Variants in KCNT2 observed in about 807,000 individuals in gnomAD.
KCNT2 encodes potassium channel subfamily T member 2.
KCNT2 carries 67 observed loss-of-function variants against 153.8 expected under a neutral mutation model. The ratio of observed to expected loss-of-function variants is 0.44; its 90% CI spans 0.36 to 0.53. The LOEUF is 0.53. Ranked by LOEUF, KCNT2 falls within the 20% of genes least tolerant of loss-of-function variation. The pLI, the probability that KCNT2 is intolerant of heterozygous loss-of-function variation, is 0.00. For missense variants in KCNT2, 975 were observed against 1,354.8 expected (o/e 0.72, Z 4.40); for synonymous variants, 500 against 458.8 (o/e 1.09, Z -1.15).
intron 24 of KCNT2, among the ~76,000 whole-genome samples, chr1:196,281,822 T>C (rs1199366679): frequency 2.0e-5 from 3 of 151,616 alleles, no homozygotes; most frequent in East Asian, 3.9e-4. Context: ...AGTGGCGCGA[T>C]CTCGGCTCAC....
rs1351368435 is a variant in KCNT2, at chr1:196,319,534, A to C, written c.2298T>G (p.Asp766Glu). The C allele has an allele frequency of 3.1e-6, 5 of 1,609,720 alleles. No individual in the cohort carries two copies. The Admixed American group carries it at 5.0e-5, about 16-fold the overall frequency. ...LDNPPDMHFL[D>E]AICWFPMVYY... ...AAACCATTGGAAACCAACAGATTGCATCCAGAAAATGCATATCTGGCCTAA... is the reference window on the plus strand; with the variant it reads ...AAACCATTGGAAACCAACAGATTGCCTCCAGAAAATGCATATCTGGCCTAA... The change falls in exon 20 of 28, where the codon GAT (aspartate) becomes GAG (glutamate). Residue 766 changes from aspartate to glutamate, a missense_variant. By Grantham distance (45) the Asp-to-Glu change is conservative. Around this residue, in one of 6 missense-constraint regions of KCNT2, gnomAD observed 325 missense variants for 388.1 expected, o/e 0.84. Coordinates refer to ENST00000294725, the MANE Select transcript of KCNT2 (RefSeq NM_198503.5).
At chr1:196,308,923 T>C (rs994433675) in intron 21 of KCNT2, among the ~76,000 whole-genome samples, 3 of 152,036 alleles carry the variant, frequency 2.0e-5, no homozygotes, top group Non-Finnish European at 4.4e-5. Context: ...TAATGAATAA[T>C]TATCAAGTTT....
intron 14 of KCNT2, among the ~76,000 whole-genome samples, chr1:196,367,307 G>A (rs1430811076): frequency 6.6e-6 from 1 of 152,042 alleles, no homozygotes; most frequent in Non-Finnish European, 1.5e-5. Flanking sequence ...CACCAAATTT[G>A]AGCTCTCTCT....
chr1:196,325,343 C>T (rs1413022819), intron 19 of KCNT2, among the ~76,000 whole-genome samples: 2 of 152,094 alleles, frequency 1.3e-5, no homozygotes, highest in Admixed American at 6.6e-5. Context: ...CAACATATAG[C>T]TACTCTAAGG....
chr1:196,281,680 C>T (rs1040148120), intron 24 of KCNT2, among the ~76,000 whole-genome samples: 3 of 151,950 alleles, frequency 2.0e-5, no homozygotes, highest in African/African-American at 4.8e-5. Flanking sequence ...AGTTAAAAAG[C>T]ATGATCACCG....
chr1:196,548,479 GGC>G (rs1266498647), intron 1 of KCNT2, among the ~76,000 whole-genome samples: 95 of 152,080 alleles, frequency 6.2e-4, no homozygotes, highest in Non-Finnish European at 1.0e-3. Context: ...CAGTTAGAAT[GGC>G]AATCATTAAA....
intron 1 of KCNT2, among the ~76,000 whole-genome samples, chr1:196,525,175 G>A (rs1654006025): frequency 6.6e-6 from 1 of 151,878 alleles, no homozygotes; most frequent in South Asian, 2.1e-4. Context: ...GGTAGAAAAC[G>A]ACCACAATGG....
At chr1:196,251,822 A>T (rs1655999375) in intron 26 of KCNT2, among the ~76,000 whole-genome samples, 2 of 151,938 alleles carry the variant, frequency 1.3e-5, no homozygotes, top group African/African-American at 4.8e-5. Context: ...CCCTGATGTG[A>T]TTATTATGCA....
chr1:196,250,626 T>C (rs76456535), intron 26 of KCNT2, among the ~76,000 whole-genome samples: 2,270 of 152,150 alleles, frequency 0.015, 26 homozygotes, highest in Non-Finnish European at 0.023. Flanking sequence ...ACAAATGGGA[T>C]CACATCAAGT....
chr1:196,246,079 A>G (rs768276872), intron 26 of KCNT2, among the ~76,000 whole-genome samples: 3 of 152,198 alleles, frequency 2.0e-5, no homozygotes, highest in Non-Finnish European at 2.9e-5. Flanking sequence ...AGAATAAAGA[A>G]AGGATCTGAA....
intron 12 of KCNT2, among the ~76,000 whole-genome samples, chr1:196,404,346 A>G (rs1333566889): frequency 6.6e-6 from 1 of 151,614 alleles, no homozygotes; most frequent in East Asian, 1.9e-4. Flanking sequence ...GTTTTTTCCA[A>G]CTAAAATTCT....
chr1:196,346,887 C>T (rs963031443), intron 14 of KCNT2, among the ~76,000 whole-genome samples: 1 of 152,040 alleles, frequency 6.6e-6, no homozygotes, highest in Non-Finnish European at 1.5e-5. Flanking sequence ...TTTCTGGTGA[C>T]TAGAACATGT....
chr1:196,592,283 G>T (rs1028521580), intron 1 of KCNT2, among the ~76,000 whole-genome samples: 2 of 151,770 alleles, frequency 1.3e-5, no homozygotes, highest in Non-Finnish European at 2.9e-5. Context: ...TCACTTATTT[G>T]TGGGATCTAA....
chr1:196,409,554 T>C (rs554885638), intron 12 of KCNT2, among the ~76,000 whole-genome samples: 75 of 151,654 alleles, frequency 4.9e-4, no homozygotes, highest in Non-Finnish European at 9.7e-4. Context: ...TACCAACATA[T>C]TTATCATTTC....
In KCNT2 at chr1:196,373,131, T is replaced by C. The variant is rs1203010248; in HGVS notation, c.1403+9A>G. 2 of 1,280,430 alleles carry C rather than the reference T, an allele frequency of 1.6e-6. No individual in the cohort carries two copies. Among genetic ancestry groups the C allele is most frequent in the Admixed American group, 3.7e-5 (2 of 53,836 alleles). The allele number at this position is 1,280,430 out of a possible 1,614,324, so 79.3% of individuals were successfully genotyped here. A position where few individuals can be genotyped will look rare whatever the true frequency, so the allele number is the denominator to read the frequency against. On this transcript the variant is annotated intron_variant, in intron 14 of 27. Coordinates refer to ENST00000294725, the MANE Select transcript of KCNT2 (RefSeq NM_198503.5). ...TTAAAAGGTTAACTTAAAGAAAAAATATACTTACTGCCCTCTAGAGGTATG... is the reference window on the plus strand; with the variant it reads ...TTAAAAGGTTAACTTAAAGAAAAAACATACTTACTGCCCTCTAGAGGTATG...
intron 14 of KCNT2, among the ~76,000 whole-genome samples, chr1:196,359,330 T>C (rs1226438578): frequency 6.6e-6 from 1 of 151,990 alleles, no homozygotes; most frequent in Non-Finnish European, 1.5e-5. Context: ...TCCCAGAAAT[T>C]CATTCAATTC....
chr1:196,254,523 C>T (rs1302842007), intron 26 of KCNT2, among the ~76,000 whole-genome samples: 2 of 151,384 alleles, frequency 1.3e-5, no homozygotes, highest in African/African-American at 2.4e-5. Context: ...TTCCTTTTCC[C>T]CAGTTGGTAA....
intron 14 of KCNT2, among the ~76,000 whole-genome samples, chr1:196,371,368 A>T (rs1382929593): frequency 6.6e-6 from 1 of 151,742 alleles, no homozygotes; most frequent in African/African-American, 2.4e-5. Flanking sequence ...GGGAAAATGT[A>T]GGGTGATGCT....
intron 25 of KCNT2, among the ~76,000 whole-genome samples, chr1:196,263,816 G>T (rs1657259366): frequency 6.6e-6 from 1 of 152,080 alleles, no homozygotes; most frequent in Non-Finnish European, 1.5e-5. Flanking sequence ...ATCTCTAAAA[G>T]ATAAATCAAA....
Sources: gnomAD v4.1 joint callset for allele counts (sites outside exome capture counted in the v4.1 genomes callset) on GRCh38, gnomAD v4.1.1 for gene constraint, gnomAD v4.1.1 regional missense constraint, MANE v1.5 for transcripts, NCBI Gene and HGNC (gene_info 2026-07-23, HGNC 2026-07-21) for gene names.